PPARGC1A: variants seen among roughly 807,000 people sequenced by gnomAD.
The protein encoded by PPARGC1A is PPARG coactivator 1 alpha.
PPARGC1A carries 25 observed loss-of-function variants against 88.7 expected under a neutral mutation model. The observed-to-expected ratio is 0.28, with a 90% confidence interval of 0.21 to 0.39. The LOEUF (loss-of-function observed/expected upper bound fraction) is 0.39, where lower values mean the gene tolerates loss of function less well. Ranked by LOEUF, PPARGC1A falls within the 10% of genes least tolerant of loss-of-function variation. PPARGC1A has a pLI of 1.00. For synonymous variants in PPARGC1A, 363 were observed against 355.6 expected, an observed-to-expected ratio of 1.02 and a Z score of -0.24; for missense variants, 880 against 968.7, an observed-to-expected ratio of 0.91 and a Z score of 1.22.
chr4:24,123,342 C>T, the PPARGC1A span, among the ~76,000 whole-genome samples: 1 of 152,246 alleles, frequency 6.6e-6, no homozygotes, highest in East Asian at 1.9e-4. Context: ...AGGGTCTCCC[C>T]AGTAATTTCC....
the PPARGC1A span, among the ~76,000 whole-genome samples, chr4:24,257,475 G>A: frequency 2.0e-5 from 3 of 152,180 alleles, no homozygotes; most frequent in Non-Finnish European, 4.4e-5. Flanking sequence ...CCAGGGCATT[G>A]GTTGTCCTGG....
At chr4:24,145,019 C>T in the PPARGC1A span, among the ~76,000 whole-genome samples, 1 of 150,870 alleles carries the variant, frequency 6.6e-6, no homozygotes, top group East Asian at 1.9e-4. Flanking sequence ...TCTTGCATGA[C>T]TCCATACCCT....
chr4:24,305,704 C>T, the PPARGC1A span, among the ~76,000 whole-genome samples: 1 of 152,058 alleles, frequency 6.6e-6, no homozygotes, highest in Non-Finnish European at 1.5e-5. Flanking sequence ...CCCAACTAAT[C>T]GGGAGGCTGA....
chr4:24,229,152 C>CTTTTTTGTTTTTTTTTTTTTTTT, the PPARGC1A span, among the ~76,000 whole-genome samples: 1 of 60,894 alleles, frequency 1.6e-5, no homozygotes, highest in Non-Finnish European at 3.1e-5. Flanking sequence ...GTATCTGGAC[C>CTTTTTTGTTTTTTTTTTTTTTTT]TTTTTTTTTT....
chr4:23,807,933 C>T (rs1263785602), intron 10 of PPARGC1A, among the ~76,000 whole-genome samples: 8 of 152,058 alleles, frequency 5.3e-5, no homozygotes, highest in Admixed American at 2.0e-4. Context: ...TACTCACCCA[C>T]ACAAAATATC....
At chr4:23,908,217 T>C (rs1354528951), upstream of PPARGC1A, among the ~76,000 whole-genome samples, 2 of 152,206 alleles carry the variant, frequency 1.3e-5, no homozygotes, top group Non-Finnish European at 2.9e-5. Context: ...TAGGTATTTA[T>C]AAGCAAAATC....
chr4:23,992,219 G>A, the PPARGC1A span, among the ~76,000 whole-genome samples: 1 of 151,928 alleles, frequency 6.6e-6, no homozygotes, highest in South Asian at 2.1e-4. Flanking sequence ...ACAGAAGGCA[G>A]GAACACACCA....
chr4:24,182,451 T>C, the PPARGC1A span, among the ~76,000 whole-genome samples: 1 of 152,218 alleles, frequency 6.6e-6, no homozygotes, highest in Non-Finnish European at 1.5e-5. Context: ...AGTTCTGCAA[T>C]AAACATACGT....
chr4:24,025,398 G>C, the PPARGC1A span, among the ~76,000 whole-genome samples: 2 of 152,076 alleles, frequency 1.3e-5, no homozygotes, highest in Non-Finnish European at 2.9e-5. Context: ...GTACAGGAGA[G>C]ATTTATCTTC....
the PPARGC1A span, among the ~76,000 whole-genome samples, chr4:24,462,609 C>T: frequency 6.6e-6 from 1 of 151,816 alleles, no homozygotes; most frequent in Non-Finnish European, 1.5e-5. Flanking sequence ...AATAATAGTA[C>T]CCACCTCATA....
the PPARGC1A span, among the ~76,000 whole-genome samples, chr4:24,038,581 ATC>A: frequency 6.6e-6 from 1 of 152,162 alleles, no homozygotes; most frequent in Non-Finnish European, 1.5e-5. Flanking sequence ...AACATTCTAT[ATC>A]CAGACCCTGA....
At chr4:24,294,795 A>G in the PPARGC1A span, among the ~76,000 whole-genome samples, 2 of 152,242 alleles carry the variant, frequency 1.3e-5, no homozygotes, top group Non-Finnish European at 2.9e-5. Flanking sequence ...ATGCAATGAC[A>G]AGACAAGAAG....
At chr4:24,284,953 A>G in the PPARGC1A span, among the ~76,000 whole-genome samples, 16 of 152,146 alleles carry the variant, frequency 1.1e-4, no homozygotes, top group South Asian at 3.1e-3. Flanking sequence ...GTTTGAACCC[A>G]GGAGGTGGAG....
At chr4:23,971,954 C>T in the PPARGC1A span, among the ~76,000 whole-genome samples, 3 of 151,772 alleles carry the variant, frequency 2.0e-5, no homozygotes, top group African/African-American at 7.3e-5. Context: ...TTTTTTCCAG[C>T]AAACAGCCAT....
the PPARGC1A span, among the ~76,000 whole-genome samples, chr4:24,432,171 A>C: frequency 2.6e-5 from 4 of 152,188 alleles, no homozygotes; most frequent in African/African-American, 9.7e-5. Context: ...AAGAGGGGGA[A>C]AGCAAAATTG....
At chr4:23,817,254 A>G (rs1251500334) in intron 7 of PPARGC1A, among the ~76,000 whole-genome samples, 2 of 152,100 alleles carry the variant, frequency 1.3e-5, no homozygotes, top group Non-Finnish European at 2.9e-5. Context: ...TTGTCCTAGT[A>G]CCCAAGCTCA....
chr4:24,150,210 C>T, the PPARGC1A span, among the ~76,000 whole-genome samples: 2 of 152,136 alleles, frequency 1.3e-5, no homozygotes, highest in African/African-American at 4.8e-5. Context: ...AAAAATTGCT[C>T]CTAGGCTGGT....
chr4:24,451,248 C>T, the PPARGC1A span, among the ~76,000 whole-genome samples: 1 of 152,160 alleles, frequency 6.6e-6, no homozygotes, highest in Non-Finnish European at 1.5e-5. Context: ...ATTAAGTTCA[C>T]CATCAAATAA....
intron 2 of PPARGC1A, among the ~76,000 whole-genome samples, chr4:23,854,171 C>T (rs949503573): frequency 6.6e-6 from 1 of 152,126 alleles, no homozygotes; most frequent in African/African-American, 2.4e-5. Context: ...GCCATGTGTA[C>T]ATGACAAGTG....
Sources: gnomAD v4.1 joint callset for allele counts (sites outside exome capture counted in the v4.1 genomes callset) on GRCh38, gnomAD v4.1.1 for gene constraint, MANE v1.5 for transcripts, NCBI Gene and HGNC (gene_info 2026-07-23, HGNC 2026-07-21) for gene names.